The following MACIR variants were observed in gnomAD, a reference collection of about 807,000 sequenced individuals.
MACIR encodes the protein UNC119-binding protein C5orf30.
In MACIR, 4 loss-of-function variants were observed where a neutral mutation model predicts 14.3. The observed-to-expected ratio is 0.28, with a 90% CI of 0.14 to 0.64. The LOEUF (loss-of-function observed/expected upper bound fraction) is 0.64, where lower values mean the gene tolerates loss of function less well. Among genes scored for constraint, MACIR ranks in the 30% least tolerant of loss-of-function variants. The pLI, the probability that MACIR is intolerant of heterozygous loss-of-function variation, is 0.83. For synonymous variants in MACIR, 101 were observed against 102.4 expected (o/e 0.99, Z 0.08); for missense variants, 228 against 257.6 (o/e 0.89, Z 0.79).
In MACIR at chr5:103,258,840, C is replaced by A. The variant is rs1359678717; in HGVS notation, c.-170C>A. ...CCGCAGTCCTGCGCCTCTCCCGCCC[C>A]TGTCTCCCGCTCCGCAGCCCCGGGC... On this transcript the variant is annotated 5_prime_UTR_variant, in exon 1 of 3. It adds an upstream start codon to the 5' untranslated region. Transcript: ENST00000319933. 1 of 152,388 alleles carries A rather than the reference C, an allele frequency of 6.6e-6. No homozygotes were observed. The highest frequency in any genetic ancestry group is 1.5e-5 in the Non-Finnish European group (1 of 68,188). 9.4% of individuals were successfully genotyped at this position (152,388 alleles called of 1,614,324 possible). A position where few individuals can be genotyped will look rare whatever the true frequency, so the allele number is the denominator to read the frequency against.
chr5:103,264,644 T>C (rs1460159142), intron 1 of MACIR, among the ~76,000 whole-genome samples: 1 of 152,130 alleles, frequency 6.6e-6, no homozygotes, highest in East Asian at 1.9e-4. Context: ...GCAAAATACA[T>C]GAAAGGGAGT....
intron 2 of MACIR, among the ~76,000 whole-genome samples, chr5:103,274,202 ATTTG>A (rs1205726756): frequency 4.6e-5 from 7 of 152,226 alleles, no homozygotes; most frequent in African/African-American, 1.7e-4. Context: ...CCGAGTAAAT[ATTTG>A]TTTGTTTAGC....
At chr5:103,267,525 T>C (rs1804969903) in intron 2 of MACIR, among the ~76,000 whole-genome samples, 1 of 152,168 alleles carries the variant, frequency 6.6e-6, no homozygotes, top group African/African-American at 2.4e-5. Context: ...ATCGACATTC[T>C]AGCAGAGCTG....
rs559166956 is a variant in MACIR at position 103,266,171 on chromosome 5, A to G, written c.-24+174A>G. Among the ~76,000 whole-genome samples, 91 of 152,282 alleles carry G rather than the reference A, an allele frequency of 6.0e-4. 1 individual carries two copies. The highest frequency in any genetic ancestry group is 2.1e-3 in the African/African-American group (87 of 41,586). On this transcript the variant is annotated intron_variant, in intron 2 of 2. Transcript: ENST00000319933. ...TGTATACTATAATTACAAATTTTTA[A>G]TGGTGAGAAATGAACTTATTGTTGC...
chr5:103,261,254 T>C (rs141942985), intron 1 of MACIR, among the ~76,000 whole-genome samples: 5 of 152,250 alleles, frequency 3.3e-5, no homozygotes, highest in African/African-American at 9.6e-5. Flanking sequence ...AGGTCAAGGA[T>C]GGTTTCAGAA....
At position 103,277,197 on chromosome 5, in the gene MACIR, G is replaced by C. The variant is rs1194498437; in HGVS notation, c.*657G>C. ...TATGGCTGTAAAATATTTCTTTATA[G>C]CGTTATTAAAGTGTGTCTTAATAAA... is the stretch of plus-strand genomic sequence containing the variant. On this transcript the variant is annotated 3_prime_UTR_variant, in exon 3 of 3. Transcript: ENST00000319933. The C allele has an allele frequency of 1.2e-5, 2 of 166,882 alleles. No individual in the cohort carries two copies. Among genetic ancestry groups the C allele is most frequent in the African/African-American group, 4.8e-5 (2 of 41,404 alleles). The allele number at this position is 166,882 out of a possible 1,614,324, so 10.3% of individuals were successfully genotyped here. A position where few individuals can be genotyped will look rare whatever the true frequency, so the allele number is the denominator to read the frequency against.
At chr5:103,268,980 GACATT>G (rs782002870) in intron 2 of MACIR, among the ~76,000 whole-genome samples, 112 of 152,212 alleles carry the variant, frequency 7.4e-4, no homozygotes, top group Middle Eastern at 3.4e-3. Context: ...AGCTACTTGG[GACATT>G]AAGGAGGGAG....
At chr5:103,271,114 T>C (rs1805107267) in intron 2 of MACIR, among the ~76,000 whole-genome samples, 1 of 152,152 alleles carries the variant, frequency 6.6e-6, no homozygotes, top group African/African-American at 2.4e-5. Flanking sequence ...GGCATGCTGC[T>C]GATGTATAAA....
In MACIR at chr5:103,277,553, A is replaced by G. The variant is rs1554237908; in HGVS notation, c.*1013A>G. The G allele has an allele frequency of 1.8e-5, 3 of 167,086 alleles. No individual in the cohort carries two copies. Among genetic ancestry groups the G allele is most frequent in the East Asian group, 1.9e-4 (1 of 5,204 alleles). The allele number at this position is 167,086 out of a possible 1,614,324, so 10.4% of individuals were successfully genotyped here. A position where few individuals can be genotyped will look rare whatever the true frequency, so the allele number is the denominator to read the frequency against. ...TGCAGTTTTAGTTCTGTGTAACACA[A>G]GCACTCACTGAAATTCCAGTTTCTA... On this transcript the variant is annotated 3_prime_UTR_variant, in exon 3 of 3. Coordinates refer to ENST00000319933, the MANE Select transcript of MACIR (RefSeq NM_033211.4).
chr5:103,262,300 GAAGA>G lies in MACIR; in HGVS notation c.-114+3410_-114+3413del, dbSNP rs1407271450. On this transcript the variant is annotated intron_variant, in intron 1 of 2. Coordinates refer to ENST00000319933, the MANE Select transcript of MACIR (RefSeq NM_033211.4). Reference sequence around the variant, plus strand: ...AGTGAATATCTAAGTGGGTACACCCGAAGAAAGAACTCAGACCTGTATGGGAATT... The same window carrying G: ...AGTGAATATCTAAGTGGGTACACCCGAAGAACTCAGACCTGTATGGGAATT... Among the ~76,000 whole-genome samples, 102 of 38,024 alleles carry G rather than the reference GAAGA, an allele frequency of 2.7e-3. No homozygotes were observed. The African/African-American group carries it at 0.034, about 13-fold the overall frequency. The allele number at this position is 38,024 out of a possible 152,430, so 24.9% of individuals were successfully genotyped here.
intron 1 of MACIR, among the ~76,000 whole-genome samples, chr5:103,263,170 T>G (rs1171192742): frequency 1.3e-5 from 2 of 152,054 alleles, no homozygotes; most frequent in Non-Finnish European, 2.9e-5. Context: ...TTGTTCTTTT[T>G]ATTTATTTTT....
At chr5:103,263,240 C>CTCCTGCTGCTCT (rs1554236472) in intron 1 of MACIR, among the ~76,000 whole-genome samples, 1 of 150,424 alleles carries the variant, frequency 6.6e-6, no homozygotes, top group Non-Finnish European at 1.5e-5. Context: ...CTTCCTCCTC[C>CTCCTGCTGCTCT]TCCTCCTGCT....
intron 1 of MACIR, among the ~76,000 whole-genome samples, chr5:103,263,199 A>ACCT (rs1192451453): frequency 1.3e-3 from 185 of 141,696 alleles, no homozygotes; most frequent in Middle Eastern, 3.8e-3. Flanking sequence ...TTCACCATAT[A>ACCT]CCTCCTCCTC....
chr5:103,268,739 A>C (rs1554236892), intron 2 of MACIR, among the ~76,000 whole-genome samples: 1 of 152,060 alleles, frequency 6.6e-6, no homozygotes, highest in East Asian at 1.9e-4. Flanking sequence ...TGGTGTAGAC[A>C]AGTTTGGGAA....
chr5:103,268,011 G>C (rs1172688728), intron 2 of MACIR, among the ~76,000 whole-genome samples: 2 of 152,172 alleles, frequency 1.3e-5, no homozygotes, highest in African/African-American at 4.8e-5. Context: ...TGTTTCCCCA[G>C]ATTGTTCCAC....
intron 2 of MACIR, among the ~76,000 whole-genome samples, chr5:103,270,334 T>C (rs1313167441): frequency 6.6e-6 from 1 of 152,186 alleles, no homozygotes; most frequent in Non-Finnish European, 1.5e-5. Flanking sequence ...TGTGTGCCTA[T>C]GTGTACTCTT....
rs1322455413 is a variant in MACIR, at chr5:103,262,715, A to G, written c.-113-3193A>G. ...CACTGCTTGGTTTTTTCCTATTTTT[A>G]TTGCTTATGGGATAATGTCCCACTG... On this transcript the variant is annotated intron_variant, in intron 1 of 2. Transcript: ENST00000319933. 2.0e-5 allele frequency among the ~76,000 whole-genome samples: 3 copies of G among 152,008 alleles called. No individual in the cohort carries two copies. In the East Asian group the frequency reaches 5.8e-4, roughly 29 times the overall value.
chr5:103,277,605 T>C lies in MACIR; in HGVS notation c.*1065T>C, dbSNP rs1805383391. The stretch of plus-strand genomic sequence containing the variant: ...GATTAGTGTAGGAGCCTAACGTGCT[T>C]CTACTGTTTTAATGGGTTAATCCTG... On this transcript the variant is annotated 3_prime_UTR_variant, in exon 3 of 3. Transcript: ENST00000319933. The C allele has an allele frequency of 6.0e-6, 1 of 167,062 alleles. No homozygotes were observed. The highest frequency in any genetic ancestry group is 2.1e-4 in the South Asian group (1 of 4,832). 10.3% of individuals were successfully genotyped at this position (167,062 alleles called of 1,614,324 possible).
intron 2 of MACIR, among the ~76,000 whole-genome samples, chr5:103,271,288 A>G (rs1805114993): frequency 1.3e-5 from 2 of 152,114 alleles, no homozygotes; most frequent in South Asian, 4.1e-4. Context: ...AAGGGCATTT[A>G]GGTTATATTT....
Sources: allele counts gnomAD v4.1 joint callset (sites outside exome capture counted in the v4.1 genomes callset), GRCh38; gene constraint gnomAD v4.1.1; transcripts MANE v1.5; gene names NCBI Gene and HGNC (gene_info 2026-07-23, HGNC 2026-07-21).